The following DENND4C variants were observed in gnomAD, a reference collection of about 807,000 sequenced individuals.
The protein encoded by DENND4C is DENN domain containing 4C.
DENND4C carries 108 observed loss-of-function variants against 203.0 expected under a neutral mutation model. That is an observed-to-expected ratio of 0.53 (90% confidence interval 0.46 to 0.62). The LOEUF is 0.62. DENND4C is among the 20% of genes least tolerant of loss of function. DENND4C has a pLI of 0.00. For missense variants in DENND4C, 2,481 were observed against 2,301.2 expected, an observed-to-expected ratio of 1.08 and a Z score of -1.60; for synonymous variants, 871 against 792.4, an observed-to-expected ratio of 1.10 and a Z score of -1.67.
intron 1 of DENND4C, among the ~76,000 whole-genome samples, chr9:19,253,143 T>C (rs1486072718): frequency 6.6e-6 from 1 of 152,242 alleles, no homozygotes; most frequent in Non-Finnish European, 1.5e-5. Flanking sequence ...TCTTAATGTT[T>C]AGAAGTTTTT....
intron 20 of DENND4C, 54 bp downstream of exon 20, chr9:19,336,886 C>T: frequency 6.7e-7 from 1 of 1,495,352 alleles, no homozygotes; most frequent in Non-Finnish European, 9.0e-7. Context: ...TTAAATCTTT[C>T]CTTTTTCAAA....
intron 1 of DENND4C, among the ~76,000 whole-genome samples, chr9:19,253,440 A>C (rs1366983662): frequency 2.0e-5 from 3 of 152,236 alleles, no homozygotes; most frequent in African/African-American, 7.2e-5. Flanking sequence ...TTGTGTTCTG[A>C]AAAAGGAACT....
At chr9:19,271,540 A>T (rs1368972493) in intron 1 of DENND4C, among the ~76,000 whole-genome samples, 1 of 152,086 alleles carries the variant, frequency 6.6e-6, no homozygotes, top group Non-Finnish European at 1.5e-5. Context: ...AATGCAAAGG[A>T]CCTAGTATAG....
Position 19,305,404 on chromosome 9 carries a change from C to T in DENND4C, c.1364C>T (p.Ser455Leu), listed in dbSNP as rs1189651149. Residue 455 changes from serine to leucine, a missense_variant, in exon 10 of 33, where the codon TCA becomes TTA. Physicochemically the swap from Ser to Leu is moderately radical, Grantham distance 145. Coordinates refer to ENST00000434457, the MANE Select transcript of DENND4C (RefSeq NM_001330640.2). Reference protein sequence around the residue: ...QCPYIPLCPLSLAAVLSAPLP... With the variant: ...QCPYIPLCPLLLAAVLSAPLP... ...CCATATATTCCCCTTTGTCCTCTTT[C>T]ACTGGCTGCAGTGCTTAGTGCACCT... 1 of 1,613,862 alleles carries T rather than the reference C, an allele frequency of 6.2e-7. No homozygotes were observed. The highest frequency in any genetic ancestry group is 1.1e-5 in the South Asian group (1 of 91,056).
chr9:19,315,569 A>G (rs1208624267), intron 10 of DENND4C, among the ~76,000 whole-genome samples: 1 of 151,278 alleles, frequency 6.6e-6, no homozygotes, highest in African/African-American at 2.4e-5. Flanking sequence ...GTATGTGTGT[A>G]TATATACGTG....
At chr9:19,321,087 A>G (rs953859179) in intron 12 of DENND4C, among the ~76,000 whole-genome samples, 1 of 152,212 alleles carries the variant, frequency 6.6e-6, no homozygotes. Flanking sequence ...GGAAGCCTGT[A>G]AAGGATATTT....
chr9:19,288,205 A>C (rs1588848236), intron 3 of DENND4C, among the ~76,000 whole-genome samples: 1 of 152,348 alleles, frequency 6.6e-6, no homozygotes, highest in Non-Finnish European at 1.5e-5. Flanking sequence ...TGACAAATGC[A>C]CCCAGAACAA....
rs921280874 is a variant in DENND4C at position 19,230,748 on chromosome 9, G to C, written c.-103G>C. The C allele has an allele frequency of 6.6e-6, 1 of 152,288 alleles. No individual in the cohort carries two copies. The highest frequency in any genetic ancestry group is 1.5e-5 in the Non-Finnish European group (1 of 68,108). 9.4% of individuals were successfully genotyped at this position (152,288 alleles called of 1,614,324 possible). Reference sequence around the variant, plus strand: ...AGCTAGTCCCCCGCCCTGCCCTGCCGAGCGCGCCCAGTCCGCGAATCCGGT... The same window carrying C: ...AGCTAGTCCCCCGCCCTGCCCTGCCCAGCGCGCCCAGTCCGCGAATCCGGT... On this transcript the variant is annotated 5_prime_UTR_variant, in exon 1 of 33. Coordinates refer to ENST00000434457, the MANE Select transcript of DENND4C (RefSeq NM_001330640.2).
intron 1 of DENND4C, among the ~76,000 whole-genome samples, chr9:19,271,201 C>CCTTT (rs1564105379): frequency 3.9e-5 from 5 of 129,082 alleles, no homozygotes; most frequent in Non-Finnish European, 3.3e-5. Flanking sequence ...AATATGGATT[C>CCTTT]TTTTTTTTTT....
At chr9:19,270,226 A>G (rs1005081398) in intron 1 of DENND4C, among the ~76,000 whole-genome samples, 1 of 152,210 alleles carries the variant, frequency 6.6e-6, no homozygotes, top group Non-Finnish European at 1.5e-5. Context: ...AAACCAGCAC[A>G]GTACTGAGTC....
chr9:19,339,347 C>T (rs1821120785), intron 20 of DENND4C, among the ~76,000 whole-genome samples: 1 of 152,196 alleles, frequency 6.6e-6, no homozygotes, highest in African/African-American at 2.4e-5. Context: ...CTTTAGTCTT[C>T]CTTAACCTGG....
chr9:19,282,502 C>T (rs1263837875), intron 2 of DENND4C, among the ~76,000 whole-genome samples: 6 of 149,700 alleles, frequency 4.0e-5, no homozygotes, highest in Non-Finnish European at 8.9e-5. Context: ...GATCTGCTTG[C>T]CTTGGCCTCC....
Position 19,324,389 on chromosome 9 carries a change from A to G in DENND4C, c.1835A>G (p.Tyr612Cys). 2.5e-6 allele frequency: 4 copies of G among 1,606,288 alleles called. No individual in the cohort carries two copies. Among genetic ancestry groups the G allele is most frequent in the Non-Finnish European group, 3.4e-6 (4 of 1,178,072 alleles). The change falls in exon 13 of 33, where the codon TAT becomes TGT. Residue 612 changes from tyrosine (Y) to cysteine (C), a missense_variant. Physicochemically the swap from Tyr to Cys is radical, Grantham distance 194. Coordinates refer to ENST00000434457, the MANE Select transcript of DENND4C (RefSeq NM_001330640.2). ...TTTTTAAAAAGTCGAGATCGTGCCT[A>G]TGCAAAATTCTATACCCTTTTATCC... ...QGFLKSRDRAYAKFYTLLSKT... is the reference protein window; with the variant it reads ...QGFLKSRDRACAKFYTLLSKT...
At chr9:19,352,958 A>T (rs1410431809) in intron 26 of DENND4C, among the ~76,000 whole-genome samples, 4 of 152,092 alleles carry the variant, frequency 2.6e-5, no homozygotes, top group Non-Finnish European at 2.9e-5. Context: ...ACATGGCAAG[A>T]CCCTGTCTCT....
At chr9:19,242,658 T>C (rs1234287203) in intron 1 of DENND4C, among the ~76,000 whole-genome samples, 2 of 152,044 alleles carry the variant, frequency 1.3e-5, no homozygotes, top group African/African-American at 2.4e-5. Flanking sequence ...TTCTTTCTTT[T>C]TTTTTTTTTG....
chr9:19,365,749 A>G (rs1004862896), intron 30 of DENND4C, among the ~76,000 whole-genome samples: 1 of 113,076 alleles, frequency 8.8e-6, no homozygotes, highest in African/African-American at 2.9e-5. Context: ...CTATAAGATC[A>G]GTATAGAGAA....
At chr9:19,360,178 G>A (rs1563841029) in intron 28 of DENND4C, 66 bp from the exon 29 acceptor site, 1 of 1,499,534 alleles carries the variant, frequency 6.7e-7, no homozygotes, top group South Asian at 1.2e-5. Flanking sequence ...TTATCTCATT[G>A]AGAAGTGCTC....
intron 12 of DENND4C, among the ~76,000 whole-genome samples, chr9:19,323,017 A>G (rs1348750860): frequency 6.6e-6 from 1 of 152,082 alleles, no homozygotes; most frequent in Non-Finnish European, 1.5e-5. Flanking sequence ...AAAATCAAGG[A>G]ATGAAGGCTG....
rs981067249 is a variant in DENND4C at position 19,340,495 on chromosome 9, G to A, written c.2882-497G>A. Among the ~76,000 whole-genome samples, 27 of 151,924 alleles carry A rather than the reference G, an allele frequency of 1.8e-4. No homozygotes were observed. The East Asian group carries it at 4.6e-3, about 26-fold the overall frequency. Reference sequence around the variant, plus strand: ...TATTTTTTTTTTAACATGCAGAAGTGTATTCTATCTCCAAAGATAAAAGCA... The same window carrying A: ...TATTTTTTTTTTAACATGCAGAAGTATATTCTATCTCCAAAGATAAAAGCA... On this transcript the variant is annotated intron_variant, in intron 20 of 32. Transcript: ENST00000434457.
Sources: gnomAD v4.1 joint callset for allele counts (sites outside exome capture counted in the v4.1 genomes callset) on GRCh38, gnomAD v4.1.1 for gene constraint, MANE v1.5 for transcripts, NCBI Gene and HGNC (gene_info 2026-07-23, HGNC 2026-07-21) for gene names.